TP73: variants seen among roughly 807,000 people sequenced by gnomAD.
The protein encoded by TP73 is p53-like transcription factor.
TP73 carries 25 observed loss-of-function variants against 62.5 expected under a neutral mutation model. The observed-to-expected ratio is 0.40, with a 90% CI of 0.29 to 0.56. The LOEUF (loss-of-function observed/expected upper bound fraction) is 0.56, where lower values mean the gene tolerates loss of function less well. Among genes scored for constraint, TP73 ranks in the 20% least tolerant of loss-of-function variants. The pLI, the probability that TP73 is intolerant of heterozygous loss-of-function variation, is 0.46. For missense variants in TP73, 754 were observed against 913.3 expected (o/e 0.83, Z 2.25); for synonymous variants, 423 against 377.5 (o/e 1.12, Z -1.40).
In TP73 at chr1:3,683,185, G is replaced by A. The variant is rs1337887028; in HGVS notation, c.186+5G>A. Reference sequence around the variant, plus strand: ...GGCATGACTACATCTGTCATGGTGAGTGGGGGGGCTGCCCTCTGCAAGAGG... The same window carrying A: ...GGCATGACTACATCTGTCATGGTGAATGGGGGGGCTGCCCTCTGCAAGAGG... On this transcript the variant is annotated splice_donor_5th_base_variant and intron_variant, in intron 3 of 13. Transcript: ENST00000378295. The A allele has an allele frequency of 1.3e-6, 2 of 1,597,574 alleles. No individual in the cohort carries two copies. The highest frequency in any genetic ancestry group is 8.5e-7 in the Non-Finnish European group (1 of 1,171,328).
chr1:3,727,140 T>C lies in TP73; in HGVS notation c.758T>C (p.Leu253Pro). ...PQVGTEFTTILYNFMCNSSCV... is the reference protein window; with the variant it reads ...PQVGTEFTTIPYNFMCNSSCV... ...GTGGGGACGGAATTCACCACCATCC[T>C]GTACAACTTCATGTGTAACAGCAGC... Residue 253 changes from leucine to proline, a missense_variant, in exon 7 of 14, where the codon CTG becomes CCG. Around this residue, in one of 3 missense-constraint regions of TP73, gnomAD observed 61 missense variants for 133.2 expected, o/e 0.46. Coordinates refer to ENST00000378295, the MANE Select transcript of TP73 (RefSeq NM_005427.4). 1 of 1,612,080 alleles carries C rather than the reference T, an allele frequency of 6.2e-7. No homozygotes were observed. Among genetic ancestry groups the C allele is most frequent in the South Asian group, 1.1e-5 (1 of 91,078 alleles).
At chr1:3,690,993 G>T (rs756054296) in intron 3 of TP73, 1 of 1,556,628 alleles carries the variant, frequency 6.4e-7, no homozygotes, top group South Asian at 1.2e-5. Context: ...CTTTGCGGGG[G>T]ATTTTGCTGC....
rs1642326897 is a variant in TP73, at chr1:3,734,019, G to A, written c.*940G>A. On this transcript the variant is annotated 3_prime_UTR_variant, in exon 14 of 14. Transcript: ENST00000378295. This position sits in a 1 kb window ranked among gnomAD's most constrained non-coding sequence, Gnocchi z 4.4. ...GAGGAAGCTGAGTGAGAAGCCAGGTGGGCGGGACTTGTTCCCAGGAAGGCC... is the reference window on the plus strand; with the variant it reads ...GAGGAAGCTGAGTGAGAAGCCAGGTAGGCGGGACTTGTTCCCAGGAAGGCC... The A allele has an allele frequency of 6.6e-6, 1 of 151,750 alleles. No individual in the cohort carries two copies. Among genetic ancestry groups the A allele is most frequent in the East Asian group, 1.9e-4 (1 of 5,166 alleles). 9.4% of individuals were successfully genotyped at this position (151,750 alleles called of 1,614,324 possible).
chr1:3,727,561 G>T, intron 7 of TP73, 67 bp from the exon 8 acceptor site: 2 of 1,550,192 alleles, frequency 1.3e-6, no homozygotes, highest in Non-Finnish European at 1.7e-6. Context: ...CGAGGTGGGT[G>T]GGGAAGGTGG....
chr1:3,665,100 T>C (rs1645081596), intron 1 of TP73, among the ~76,000 whole-genome samples: 1 of 152,216 alleles, frequency 6.6e-6, no homozygotes, highest in Non-Finnish European at 1.5e-5. Context: ...CTCTCCTTCC[T>C]GCTATCACAG....
rs1638977495 is a variant in TP73, at chr1:3,699,544, C to T, written c.187-8005C>T. On this transcript the variant is annotated intron_variant, in intron 3 of 13. Transcript: ENST00000378295. The surrounding 1 kb of genome is among the most constrained non-coding windows in gnomAD (Gnocchi z 4.1). ...GGAGACTCCAGGCAGGCCCCGATGC[C>T]AGACTCCAGCCCTCAAACATGCTGC... Among the ~76,000 whole-genome samples, 1 of 152,224 alleles carries T rather than the reference C, an allele frequency of 6.6e-6. No homozygotes were observed. The highest frequency in any genetic ancestry group is 2.1e-4 in the South Asian group (1 of 4,832).
intron 8 of TP73, 112 bp downstream of exon 8, chr1:3,727,882 C>A: frequency 7.1e-7 from 1 of 1,404,300 alleles, no homozygotes; most frequent in South Asian, 1.5e-5. Flanking sequence ...GAACGGCCCC[C>A]CACGCCCAGA....
intron 1 of TP73, among the ~76,000 whole-genome samples, chr1:3,655,645 T>G (rs12117913): frequency 0.029 from 4,476 of 152,324 alleles, 95 homozygotes; most frequent in Non-Finnish European, 0.041. Flanking sequence ...AAATGTAATG[T>G]TTTATCACCA....
chr1:3,710,564 T>A (rs1484691043), intron 4 of TP73, among the ~76,000 whole-genome samples: 1 of 152,168 alleles, frequency 6.6e-6, no homozygotes, highest in African/African-American at 2.4e-5. Flanking sequence ...AGATAATTCA[T>A]ATTTTTCTCA....
At chr1:3,681,522 TC>T (rs1645520576) in intron 1 of TP73, among the ~76,000 whole-genome samples, 2 of 152,136 alleles carry the variant, frequency 1.3e-5, no homozygotes, top group Non-Finnish European at 2.9e-5. Context: ...AGCTCTCCAA[TC>T]CCTGGGTGTC....
At chr1:3,697,740 C>T (rs558213633) in intron 3 of TP73, among the ~76,000 whole-genome samples, 59 of 152,300 alleles carry the variant, frequency 3.9e-4, no homozygotes, top group African/African-American at 1.3e-3. Flanking sequence ...GTGCACTGGG[C>T]GGGACCATCC....
At chr1:3,685,946 G>A (rs953445022) in intron 3 of TP73, among the ~76,000 whole-genome samples, 1 of 152,234 alleles carries the variant, frequency 6.6e-6, no homozygotes, top group African/African-American at 2.4e-5. Context: ...CACCACACAG[G>A]CCCGGCCTCG....
At chr1:3,705,982 C>T (rs1228122379) in intron 3 of TP73, among the ~76,000 whole-genome samples, 1 of 152,218 alleles carries the variant, frequency 6.6e-6, no homozygotes, top group African/African-American at 2.4e-5. Context: ...GGCGAGGCCC[C>T]TGCACCCTCC....
chr1:3,726,272 ATGTG>A (rs1373722338), intron 6 of TP73, among the ~76,000 whole-genome samples: 1 of 14,792 alleles, frequency 6.8e-5, no homozygotes, highest in Non-Finnish European at 1.4e-4. Context: ...TGGGGGGTGG[ATGTG>A]TGGGTGGGTG....
chr1:3,695,131 C>T (rs529811920), intron 3 of TP73, among the ~76,000 whole-genome samples: 5 of 152,364 alleles, frequency 3.3e-5, no homozygotes, highest in African/African-American at 9.6e-5. Context: ...TGCCCAACCC[C>T]GAGGTGGACA....
At position 3,672,573 on chromosome 1, in the gene TP73, G is replaced by A. The variant is rs1355156616; in HGVS notation, c.-33-9760G>A. On this transcript the variant is annotated intron_variant, in intron 1 of 13. Coordinates refer to ENST00000378295, the MANE Select transcript of TP73 (RefSeq NM_005427.4). The surrounding 1 kb of genome is among the most constrained non-coding windows in gnomAD (Gnocchi z 5.3). Reference sequence around the variant, plus strand: ...GACACCCACTCTGGCCATAAGCTCCGCTCTGTCCCAGCCCTGGACCCCTCA... The same window carrying A: ...GACACCCACTCTGGCCATAAGCTCCACTCTGTCCCAGCCCTGGACCCCTCA... 1.3e-5 allele frequency among the ~76,000 whole-genome samples: 2 copies of A among 152,048 alleles called. No individual in the cohort carries two copies. The highest frequency in any genetic ancestry group is 2.4e-5 in the African/African-American group (1 of 41,392).
chr1:3,726,592 T>G (rs1264910659), intron 6 of TP73, among the ~76,000 whole-genome samples: 8 of 129,764 alleles, frequency 6.2e-5, no homozygotes, highest in East Asian at 2.5e-4. Flanking sequence ...GATGGATGGA[T>G]GGATGGGGTG....
chr1:3,729,848 G>C, intron 10 of TP73, 152 bp from the exon 11 acceptor site: 1 of 1,179,306 alleles, frequency 8.5e-7, no homozygotes, highest in Non-Finnish European at 1.2e-6. Flanking sequence ...GCATGGCCAT[G>C]GTTGGGGACA....
chr1:3,680,606 T>G (rs973496988), intron 1 of TP73, among the ~76,000 whole-genome samples: 1 of 152,136 alleles, frequency 6.6e-6, no homozygotes. Flanking sequence ...TTGGCCCACA[T>G]ACCTGCACCA....
Sources: gnomAD v4.1 joint callset for allele counts (sites outside exome capture counted in the v4.1 genomes callset) on GRCh38, gnomAD v4.1.1 for gene constraint, gnomAD v4.1.1 regional missense constraint, Gnocchi (gnomAD v3.1) non-coding constraint, MANE v1.5 for transcripts, NCBI Gene and HGNC (gene_info 2026-07-23, HGNC 2026-07-21) for gene names.